ARHGAP42: variants seen among roughly 807,000 people sequenced by gnomAD.
The protein encoded by ARHGAP42 is Rho GTPase activating protein 42.
A neutral mutation model predicts 125.0 loss-of-function variants in ARHGAP42; 63 were observed. The ratio of observed to expected loss-of-function variants is 0.50; its 90% confidence interval spans 0.41 to 0.62. The LOEUF (loss-of-function observed/expected upper bound fraction) is 0.62. Among genes scored for constraint, ARHGAP42 ranks in the 20% least tolerant of loss-of-function variants. The probability of loss-of-function intolerance (pLI) is 0.00; values close to 1 mark genes in which losing one functional copy is unlikely to be tolerated. For synonymous variants in ARHGAP42, 339 were observed against 351.0 expected (o/e 0.97, Z 0.38); for missense variants, 766 against 1,024.2 (o/e 0.75, Z 3.44).
chr11:100,727,388 T>G (rs146210975), intron 1 of ARHGAP42, among the ~76,000 whole-genome samples: 1,658 of 152,268 alleles, frequency 0.011, 33 homozygotes, highest in African/African-American at 0.038. Context: ...GTTTCTGACA[T>G]AGTGGTGAAT....
intron 1 of ARHGAP42, among the ~76,000 whole-genome samples, chr11:100,694,455 G>A (rs564990205): frequency 2.6e-5 from 4 of 152,318 alleles, no homozygotes; most frequent in African/African-American, 9.6e-5. Context: ...CATGAATGCT[G>A]ATTTCTTGCG....
chr11:100,982,633 C>T (rs551833838), intron 22 of ARHGAP42, among the ~76,000 whole-genome samples: 1 of 152,114 alleles, frequency 6.6e-6, no homozygotes, highest in Non-Finnish European at 1.5e-5. Context: ...CAGTTATACT[C>T]AGAGCAGAGA....
intron 22 of ARHGAP42, among the ~76,000 whole-genome samples, chr11:100,985,895 T>G (rs1187639356): frequency 1.3e-5 from 2 of 152,164 alleles, no homozygotes; most frequent in Non-Finnish European, 2.9e-5. Flanking sequence ...GGAAATGAAA[T>G]TATAATGTAA....
At chr11:100,983,881 G>C (rs1401387131) in intron 22 of ARHGAP42, among the ~76,000 whole-genome samples, 5 of 152,196 alleles carry the variant, frequency 3.3e-5, no homozygotes, top group Admixed American at 1.3e-4. Flanking sequence ...GCACACTCCT[G>C]TAATCCCAGC....
intron 3 of ARHGAP42, among the ~76,000 whole-genome samples, chr11:100,828,749 A>G (rs899633479): frequency 2.0e-5 from 3 of 150,102 alleles, no homozygotes; most frequent in African/African-American, 7.4e-5. Context: ...GTGCAGTGGC[A>G]TGATCCTAGC....
At chr11:100,836,708 G>GTT (rs369289648) in intron 3 of ARHGAP42, among the ~76,000 whole-genome samples, 4 of 114,108 alleles carry the variant, frequency 3.5e-5, no homozygotes, top group South Asian at 2.9e-4. Context: ...AAGGTTTTTT[G>GTT]TTTTTTTTTT....
intron 3 of ARHGAP42, among the ~76,000 whole-genome samples, chr11:100,807,819 C>T (rs1315076137): frequency 6.6e-6 from 1 of 152,182 alleles, no homozygotes; most frequent in Non-Finnish European, 1.5e-5. Flanking sequence ...ATATTGAAAT[C>T]TTTCCATTTT....
chr11:100,964,797 A>G (rs1404172970), intron 16 of ARHGAP42, among the ~76,000 whole-genome samples: 2 of 152,166 alleles, frequency 1.3e-5, no homozygotes, highest in African/African-American at 4.8e-5. Context: ...GTGTTTATGT[A>G]ATAATGCTAA....
rs568307600 is a variant in ARHGAP42 at position 100,827,502 on chromosome 11, A to T, written c.313-32052A>T. On this transcript the variant is annotated intron_variant, in intron 3 of 23. Transcript: ENST00000298815. The stretch of plus-strand genomic sequence containing the variant: ...GCATTCCTAACCCAAAGGTGCATGG[A>T]TCCCAAGGGCCTGTTGGTGAACCCA... 2.6e-5 allele frequency among the ~76,000 whole-genome samples: 4 copies of T among 152,304 alleles called. No homozygotes were observed. In the East Asian group the frequency reaches 5.8e-4, roughly 22 times the overall value.
chr11:100,987,337 C>T (rs1303563135), intron 22 of ARHGAP42, among the ~76,000 whole-genome samples, 176 bp from the exon 23 acceptor site: 3 of 152,160 alleles, frequency 2.0e-5, no homozygotes, highest in African/African-American at 7.2e-5. Flanking sequence ...ATTTCTTGAT[C>T]TGGTAATATG....
chr11:100,861,819 G>A (rs117166314), intron 4 of ARHGAP42, among the ~76,000 whole-genome samples: 6 of 152,228 alleles, frequency 3.9e-5, no homozygotes, highest in African/African-American at 9.6e-5. Context: ...GTGTGTATTC[G>A]GATCTGAATT....
chr11:100,718,081 TTGAGGTACA>T lies in ARHGAP42; in HGVS notation c.154+30251_154+30259del, dbSNP rs1415735573. 7.3e-3 allele frequency among the ~76,000 whole-genome samples: 1,110 copies of T among 152,238 alleles called. 11 individuals are homozygous for T. Among genetic ancestry groups the T allele is most frequent in the African/African-American group, 0.025 (1,041 of 41,534 alleles). On this transcript the variant is annotated intron_variant, in intron 1 of 23. Transcript: ENST00000298815. ...TGCGAGTCATGGTCAAAATAAAAAATTGAGGTACATTATCTTATGAGTTCAGGTGTGTGT... is the reference window on the plus strand; with the variant it reads ...TGCGAGTCATGGTCAAAATAAAAAATTTATCTTATGAGTTCAGGTGTGTGT...
intron 1 of ARHGAP42, among the ~76,000 whole-genome samples, chr11:100,717,695 G>T (rs529892379): frequency 2.7e-5 from 4 of 150,446 alleles, no homozygotes; most frequent in African/African-American, 7.3e-5. Flanking sequence ...GGAGGCTGAG[G>T]TTGGCAGATC....
intron 2 of ARHGAP42, among the ~76,000 whole-genome samples, chr11:100,776,909 G>A (rs1007462050): frequency 6.6e-6 from 1 of 151,458 alleles, no homozygotes; most frequent in East Asian, 1.9e-4. Context: ...CTTGAACCCG[G>A]GAGGTGGAGG....
intron 4 of ARHGAP42, among the ~76,000 whole-genome samples, chr11:100,873,932 G>A (rs1452041113): frequency 6.6e-6 from 1 of 152,180 alleles, no homozygotes; most frequent in African/African-American, 2.4e-5. Context: ...CAGCTTATGA[G>A]CAATGTGAAA....
chr11:100,816,975 C>A (rs1406244797), intron 3 of ARHGAP42: 1 of 152,186 alleles, frequency 6.6e-6, no homozygotes, highest in African/African-American at 2.4e-5. Flanking sequence ...GAGAAATAAC[C>A]ATTAGAAGCC....
intron 4 of ARHGAP42, among the ~76,000 whole-genome samples, chr11:100,894,545 T>A (rs766471471): frequency 1.3e-5 from 2 of 152,188 alleles, no homozygotes; most frequent in Non-Finnish European, 2.9e-5. Flanking sequence ...GACTAAGCCA[T>A]GTGACTTGAA....
At chr11:100,986,687 T>C (rs1455999257) in intron 22 of ARHGAP42, among the ~76,000 whole-genome samples, 2 of 152,032 alleles carry the variant, frequency 1.3e-5, no homozygotes, top group Admixed American at 6.6e-5. Flanking sequence ...GTACTTGGAG[T>C]TGGGATCAGT....
chr11:100,734,812 C>A (rs779933647), intron 1 of ARHGAP42, among the ~76,000 whole-genome samples: 1 of 152,158 alleles, frequency 6.6e-6, no homozygotes, highest in African/African-American at 2.4e-5. Context: ...CTGAAGCTGT[C>A]AGTTTTTTAA....
Sources: gnomAD v4.1 joint callset for allele counts (sites outside exome capture counted in the v4.1 genomes callset) on GRCh38, gnomAD v4.1.1 for gene constraint, MANE v1.5 for transcripts, NCBI Gene and HGNC (gene_info 2026-07-23, HGNC 2026-07-21) for gene names.